MAMDC2: variants seen among roughly 807,000 people sequenced by gnomAD.
MAMDC2 encodes the protein MAM domain-containing protein 2.
A neutral mutation model predicts 89.8 loss-of-function variants in MAMDC2; 57 were observed. The observed-to-expected ratio is 0.63, with a 90% CI of 0.51 to 0.79. The LOEUF (loss-of-function observed/expected upper bound fraction) is 0.79, where lower values mean the gene tolerates loss of function less well. Among genes scored for constraint, MAMDC2 ranks in the 30% least tolerant of loss-of-function variants. MAMDC2 has a pLI of 0.00. For missense variants in MAMDC2, 800 were observed against 820.6 expected (o/e 0.97, Z 0.31); for synonymous variants, 313 against 293.4 (o/e 1.07, Z -0.68).
intron 2 of MAMDC2, among the ~76,000 whole-genome samples, chr9:70,065,823 T>C (rs1827250536): frequency 6.6e-6 from 1 of 152,212 alleles, no homozygotes; most frequent in Admixed American, 6.5e-5. Flanking sequence ...ATAGCCCTAA[T>C]GAACATTTTC....
chr9:70,078,163 T>C (rs1827576835), intron 2 of MAMDC2, among the ~76,000 whole-genome samples: 2 of 152,230 alleles, frequency 1.3e-5, no homozygotes, highest in Non-Finnish European at 2.9e-5. Context: ...CAAAATCATC[T>C]TGAATGCAGG....
In MAMDC2 at chr9:70,162,429, G is replaced by C. The variant is rs181339786; in HGVS notation, c.1405-6273G>C. Among the ~76,000 whole-genome samples, 255 of 151,850 alleles carry C rather than the reference G, an allele frequency of 1.7e-3. 1 individual carries two copies. Among genetic ancestry groups the C allele is most frequent in the African/African-American group, 5.9e-3 (243 of 41,506 alleles). ...ATTATTTTAAAACCTATCTTGATTT[G>C]GTTTGAGAACATGAATTCCTGACAT... is the stretch of plus-strand genomic sequence containing the variant. On this transcript the variant is annotated intron_variant, in intron 9 of 13. Transcript: ENST00000377182.
intron 7 of MAMDC2, 31 bp downstream of exon 7, chr9:70,131,643 G>T: frequency 6.6e-7 from 1 of 1,504,830 alleles, no homozygotes; most frequent in Non-Finnish European, 9.2e-7. Context: ...ATTGCATTTT[G>T]GGATGTTCCT....
chr9:70,140,276 A>G lies in MAMDC2; in HGVS notation c.1126A>G (p.Thr376Ala). 6.2e-7 allele frequency: 1 copy of G among 1,600,620 alleles called. No homozygotes were observed. The highest frequency in any genetic ancestry group is 8.5e-7 in the Non-Finnish European group (1 of 1,175,040). The change falls in exon 8 of 14, where the codon ACT becomes GCT. Residue 376 changes from threonine (T) to alanine (A), a missense_variant. Coordinates refer to ENST00000377182, the MANE Select transcript of MAMDC2 (RefSeq NM_153267.5). The stretch of plus-strand genomic sequence containing the variant: ...AAACATGTATCGGGCTGGAGACCAC[A>G]CTACAGGCTTAGGTAAATCAGAGAT... ...KPNMYRAGDH[T>A]TGLGYYLLAN...
At chr9:70,179,727 GGGTATA>G (rs552522261) in intron 11 of MAMDC2, among the ~76,000 whole-genome samples, 136 of 150,932 alleles carry the variant, frequency 9.0e-4, no homozygotes, top group African/African-American at 3.2e-3. Context: ...CAGCCAGGAT[GGGTATA>G]GTGTGTAGAA....
intron 11 of MAMDC2, among the ~76,000 whole-genome samples, chr9:70,211,211 G>GGAT (rs2033347713): frequency 6.6e-6 from 1 of 152,212 alleles, no homozygotes; most frequent in African/African-American, 2.4e-5. Flanking sequence ...ATAATATCCT[G>GGAT]AAGACTGTTT....
intron 5 of MAMDC2, among the ~76,000 whole-genome samples, chr9:70,120,812 T>C (rs1036619725): frequency 4.6e-5 from 7 of 152,212 alleles, no homozygotes; most frequent in African/African-American, 1.7e-4. Flanking sequence ...GACTTTATCA[T>C]AGTAAGGGCC....
chr9:70,198,499 TA>T (rs1354325194), intron 11 of MAMDC2, among the ~76,000 whole-genome samples: 1 of 152,076 alleles, frequency 6.6e-6, no homozygotes, highest in African/African-American at 2.4e-5. Context: ...CTAGAATATA[TA>T]AGCCAAGAGT....
At chr9:70,212,132 A>G (rs912435437) in intron 11 of MAMDC2, among the ~76,000 whole-genome samples, 1 of 152,360 alleles carries the variant, frequency 6.6e-6, no homozygotes, top group East Asian at 1.9e-4. Context: ...CCATGCTGGG[A>G]GAACCACTAC....
At position 70,141,246 on chromosome 9, in the gene MAMDC2, G is replaced by T. The variant is rs139376971; in HGVS notation, c.1138+958G>T. 5.7e-3 allele frequency among the ~76,000 whole-genome samples: 861 copies of T among 152,232 alleles called. 10 individuals are homozygous for T. The highest frequency in any genetic ancestry group is 0.02 in the African/African-American group (832 of 41,538). ...TATTCTGACCTTGGGCTGATTAACT[G>T]GAAAATCATCTCTAGAGAACCATTT... On this transcript the variant is annotated intron_variant, in intron 8 of 13. Coordinates refer to ENST00000377182, the MANE Select transcript of MAMDC2 (RefSeq NM_153267.5).
At chr9:70,204,072 C>T (rs1430779579) in intron 11 of MAMDC2, among the ~76,000 whole-genome samples, 1 of 151,938 alleles carries the variant, frequency 6.6e-6, no homozygotes, top group African/African-American at 2.4e-5. Context: ...AGTCATTCTC[C>T]ATCCAGCTTT....
At chr9:70,094,198 A>T (rs552767553) in intron 2 of MAMDC2, among the ~76,000 whole-genome samples, 1 of 152,332 alleles carries the variant, frequency 6.6e-6, no homozygotes, top group Admixed American at 6.5e-5. Flanking sequence ...TGATATGAGG[A>T]TAATTTCCCT....
rs2033642292 is a variant in MAMDC2, at chr9:70,226,535, T to A, written c.*503T>A. 1 of 152,614 alleles carries A rather than the reference T, an allele frequency of 6.6e-6. No individual in the cohort carries two copies. Among genetic ancestry groups the A allele is most frequent in the African/African-American group, 2.4e-5 (1 of 41,462 alleles). The allele number at this position is 152,614 out of a possible 1,614,324, so 9.5% of individuals were successfully genotyped here. On this transcript the variant is annotated 3_prime_UTR_variant, in exon 14 of 14. Transcript: ENST00000377182. ...AGTCTGGAAAAATAAAGTCTTATTT[T>A]CTATGTTTTATTCATAGAAATGGAG... is the stretch of plus-strand genomic sequence containing the variant.
chr9:70,061,007 G>A (rs1166980343), intron 2 of MAMDC2, among the ~76,000 whole-genome samples: 1 of 152,158 alleles, frequency 6.6e-6, no homozygotes, highest in Non-Finnish European at 1.5e-5. Context: ...GAAAGCCAAT[G>A]AATGGATGTG....
Position 70,149,399 on chromosome 9 carries a change from G to A in MAMDC2, c.1404+5580G>A, listed in dbSNP as rs186422181. Among the ~76,000 whole-genome samples, 132 of 152,116 alleles carry A rather than the reference G, an allele frequency of 8.7e-4. 1 individual carries two copies. The highest frequency in any genetic ancestry group is 3.1e-3 in the African/African-American group (129 of 41,498). ...GCAGGATCAGGCAGGGGAAGCTGTC[G>A]GGCTGCAGTGCATTCTCAAGGAAGG... On this transcript the variant is annotated intron_variant, in intron 9 of 13. Transcript: ENST00000377182.
chr9:70,121,942 C>G (rs962647845), intron 5 of MAMDC2, among the ~76,000 whole-genome samples: 1 of 152,170 alleles, frequency 6.6e-6, no homozygotes. Context: ...CAGATTGTAT[C>G]TGATGACACA....
chr9:70,092,342 C>T (rs982009746), intron 2 of MAMDC2: 1 of 152,168 alleles, frequency 6.6e-6, no homozygotes, highest in African/African-American at 2.4e-5. Flanking sequence ...TTAGAAGGAC[C>T]AGAGAGCATG....
intron 4 of MAMDC2, 127 bp from the exon 5 acceptor site, chr9:70,112,868 G>A (rs908355131): frequency 8.6e-7 from 1 of 1,161,576 alleles, no homozygotes; most frequent in East Asian, 2.4e-5. Flanking sequence ...AGGGGTCCTG[G>A]TAGAAAGGTT....
chr9:70,210,167 T>A (rs897763476), intron 11 of MAMDC2, among the ~76,000 whole-genome samples: 6 of 152,202 alleles, frequency 3.9e-5, no homozygotes, highest in Non-Finnish European at 7.3e-5. Flanking sequence ...GGTGCAGAGA[T>A]GAGTTCAATT....
Sources: gnomAD v4.1 joint callset for allele counts (sites outside exome capture counted in the v4.1 genomes callset) on GRCh38, gnomAD v4.1.1 for gene constraint, MANE v1.5 for transcripts, NCBI Gene and HGNC (gene_info 2026-07-23, HGNC 2026-07-21) for gene names.